Variants in NFE2L2 observed in about 807,000 individuals in gnomAD.
NFE2L2 encodes nuclear factor erythroid 2-related factor 2.
A neutral mutation model predicts 49.6 loss-of-function variants in NFE2L2; 20 were observed. That is an observed-to-expected ratio of 0.40 (90% CI 0.28 to 0.59). The LOEUF (loss-of-function observed/expected upper bound fraction) is 0.59, where lower values mean the gene tolerates loss of function less well. Ranked by LOEUF, NFE2L2 falls within the 20% of genes least tolerant of loss-of-function variation. NFE2L2 has a pLI of 0.40. For missense variants in NFE2L2, 578 were observed against 714.2 expected, an observed-to-expected ratio of 0.81 and a Z score of 2.17; for synonymous variants, 244 against 256.5, an observed-to-expected ratio of 0.95 and a Z score of 0.47.
chr2:177,231,238 T>C lies in NFE2L2; in HGVS notation c.1365A>G (p.Thr455=). The C allele has an allele frequency of 6.2e-7, 1 of 1,614,242 alleles. No homozygotes were observed. The highest frequency in any genetic ancestry group is 1.1e-5 in the South Asian group (1 of 91,084). The change falls in exon 5 of 5, where the codon ACA becomes ACG. Residue 455 remains threonine, a synonymous_variant. Coordinates refer to ENST00000397062, the MANE Select transcript of NFE2L2 (RefSeq NM_006164.5). Reference sequence around the variant, plus strand: ...GAGCTTTTGCCCTAAGTTCATCTCTTGTGAGATGAGCCTCCAAGCGGCTTG... The same window carrying C: ...GAGCTTTTGCCCTAAGTTCATCTCTCGTGAGATGAGCCTCCAAGCGGCTTG... The part of the protein sequence containing the change: ...KHSSRLEAHL[T]RDELRAKALH...
At chr2:177,259,440 A>G (rs772401943) in intron 1 of NFE2L2, among the ~76,000 whole-genome samples, 3 of 152,192 alleles carry the variant, frequency 2.0e-5, no homozygotes, top group Non-Finnish European at 2.9e-5. Flanking sequence ...TTTGCAACAC[A>G]CAGGTATTAT....
At chr2:177,235,626 T>C (rs574310532) in intron 1 of NFE2L2, among the ~76,000 whole-genome samples, 1 of 152,200 alleles carries the variant, frequency 6.6e-6, no homozygotes, top group South Asian at 2.1e-4. Flanking sequence ...GCACAGGAGT[T>C]ACTAGCCTGG....
At chr2:177,236,215 T>C (rs921438106) in intron 1 of NFE2L2, among the ~76,000 whole-genome samples, 2 of 152,242 alleles carry the variant, frequency 1.3e-5, no homozygotes, top group East Asian at 1.9e-4. Context: ...AGGCTATTTT[T>C]ATCCAACAGA....
At chr2:177,235,521 A>G (rs1689717767) in intron 1 of NFE2L2, among the ~76,000 whole-genome samples, 1 of 152,132 alleles carries the variant, frequency 6.6e-6, no homozygotes, top group Non-Finnish European at 1.5e-5. Context: ...AGAATCTTAC[A>G]AAGAGGGAAT....
chr2:177,235,275 AAACAAC>A (rs907873833), intron 1 of NFE2L2, among the ~76,000 whole-genome samples: 1 of 151,310 alleles, frequency 6.6e-6, no homozygotes, highest in African/African-American at 2.4e-5. Context: ...AAACAAAAAC[AAACAAC>A]AACAACAACA....
intron 1 of NFE2L2, among the ~76,000 whole-genome samples, chr2:177,257,815 G>A (rs560198530): frequency 6.6e-6 from 1 of 152,312 alleles, no homozygotes; most frequent in South Asian, 2.1e-4. Context: ...GAGTATGCAA[G>A]GGATGTAGGT....
chr2:177,263,264 A>G, intron 1 of NFE2L2: 1 of 646,186 alleles, frequency 1.5e-6, no homozygotes, highest in South Asian at 6.9e-5. Context: ...GAGGGGGAAC[A>G]TGTTAAGAAA....
intron 1 of NFE2L2, among the ~76,000 whole-genome samples, chr2:177,248,206 G>A (rs771484005): frequency 6.6e-6 from 1 of 152,180 alleles, no homozygotes; most frequent in African/African-American, 2.4e-5. Flanking sequence ...GGGGTGGGTG[G>A]TTGTCACCTG....
rs376650979 is a variant in NFE2L2, at chr2:177,259,567, G to T, written c.45+4965C>A. The stretch of plus-strand genomic sequence containing the variant: ...TATGGCAGAAACTGACACACAGAAG[G>T]CTCAAACTTTAGGTAGCACAGGATT... On this transcript the variant is annotated intron_variant, in intron 1 of 4. Transcript: ENST00000397062. 6.2e-4 allele frequency among the ~76,000 whole-genome samples: 94 copies of T among 152,158 alleles called. 2 individuals are homozygous for T. The South Asian group carries it at 0.019, about 32-fold the overall frequency.
In NFE2L2 at chr2:177,235,253, C is replaced by G. The variant is rs561819610; in HGVS notation, c.46-982G>C. ...CCAGCCTGGGCAACATGGAGAGACCCTGTTTCTACCAAAACAAAAACAAAC... is the reference window on the plus strand; with the variant it reads ...CCAGCCTGGGCAACATGGAGAGACCGTGTTTCTACCAAAACAAAAACAAAC... On this transcript the variant is annotated intron_variant, in intron 1 of 4. Transcript: ENST00000397062. 3.9e-3 allele frequency among the ~76,000 whole-genome samples: 588 copies of G among 151,388 alleles called. 4 individuals carry two copies. The highest frequency in any genetic ancestry group is 5.9e-3 in the Non-Finnish European group (403 of 67,838).
intron 1 of NFE2L2, among the ~76,000 whole-genome samples, chr2:177,237,518 CTTTA>C (rs1689790873): frequency 6.6e-6 from 1 of 151,630 alleles, no homozygotes; most frequent in Non-Finnish European, 1.5e-5. Context: ...GAGAAACCTA[CTTTA>C]TTTTATTTTT....
rs181703340 is a variant in NFE2L2 at position 177,241,607 on chromosome 2, C to T, written c.46-7336G>A. On this transcript the variant is annotated intron_variant, in intron 1 of 4. Coordinates refer to ENST00000397062, the MANE Select transcript of NFE2L2 (RefSeq NM_006164.5). ...GCACGGTGGCTCACACCTGTAATCCCAGCTCTTTGGGAGGCTGAGGTGTGA... is the reference window on the plus strand; with the variant it reads ...GCACGGTGGCTCACACCTGTAATCCTAGCTCTTTGGGAGGCTGAGGTGTGA... 9.0e-4 allele frequency among the ~76,000 whole-genome samples: 137 copies of T among 152,312 alleles called. 1 individual carries two copies. The South Asian group carries it at 0.014, about 15-fold the overall frequency.
intron 1 of NFE2L2, among the ~76,000 whole-genome samples, chr2:177,240,627 AATAT>A (rs1288489475): frequency 6.6e-6 from 1 of 152,232 alleles, no homozygotes; most frequent in African/African-American, 2.4e-5. Flanking sequence ...ATGTTTAAAA[AATAT>A]ATATCATCAT....
At position 177,264,708 on chromosome 2, in the gene NFE2L2, C is replaced by T. The variant is rs1690876315; in HGVS notation, c.-132G>A. ...CGGCTGCGTCGGCGGCTCCTCCGGG[C>T]TCCCCGGCACTCGGTAATCGGCTAC... is the stretch of plus-strand genomic sequence containing the variant. On this transcript the variant is annotated 5_prime_UTR_variant, in exon 1 of 5. Transcript: ENST00000397062. 7 of 717,084 alleles carry T rather than the reference C, an allele frequency of 9.8e-6. No individual in the cohort carries two copies. Among genetic ancestry groups the T allele is most frequent in the Non-Finnish European group, 1.4e-5 (7 of 501,960 alleles). 44.4% of individuals were successfully genotyped at this position (717,084 alleles called of 1,614,324 possible).
chr2:177,257,020 C>A (rs1402395939), intron 1 of NFE2L2, among the ~76,000 whole-genome samples: 1 of 152,226 alleles, frequency 6.6e-6, no homozygotes, highest in Non-Finnish European at 1.5e-5. Flanking sequence ...GAAGTTAGCC[C>A]CAGTTTCCAA....
intron 1 of NFE2L2, among the ~76,000 whole-genome samples, chr2:177,256,522 G>GAAAAAAAAAAAAAAAAAAAAA (rs1690531280): frequency 1.7e-5 from 2 of 118,070 alleles, no homozygotes; most frequent in African/African-American, 3.1e-5. Flanking sequence ...AAAAAAAAAG[G>GAAAAAAAAAAAAAAAAAAAAA]AAAGGACATT....
chr2:177,255,167 T>C (rs1282817238), intron 1 of NFE2L2, among the ~76,000 whole-genome samples: 1 of 152,222 alleles, frequency 6.6e-6, no homozygotes, highest in African/African-American at 2.4e-5. Flanking sequence ...AATGAGCTTC[T>C]ATCTAGGCGA....
chr2:177,238,996 A>G (rs1380259814), intron 1 of NFE2L2, among the ~76,000 whole-genome samples: 1 of 152,134 alleles, frequency 6.6e-6, no homozygotes, highest in Non-Finnish European at 1.5e-5. Context: ...ACAAACATAC[A>G]CACACACACA....
At chr2:177,243,815 T>G (rs1272039169) in intron 1 of NFE2L2, among the ~76,000 whole-genome samples, 2 of 152,184 alleles carry the variant, frequency 1.3e-5, no homozygotes, top group African/African-American at 2.4e-5. Context: ...AATTTTCAGA[T>G]GTAACTACCT....
Sources: gnomAD v4.1 joint callset for allele counts (sites outside exome capture counted in the v4.1 genomes callset) on GRCh38, gnomAD v4.1.1 for gene constraint, MANE v1.5 for transcripts, NCBI Gene and HGNC (gene_info 2026-07-23, HGNC 2026-07-21) for gene names.